The following ZMIZ1 variants were observed in gnomAD, a reference collection of about 807,000 sequenced individuals.
ZMIZ1 encodes zinc finger MIZ domain-containing protein 1.
In ZMIZ1, 17 loss-of-function variants were observed where a neutral mutation model predicts 113.9. That is an observed-to-expected ratio of 0.15 (90% confidence interval 0.10 to 0.22). The LOEUF is 0.22. Ranked by LOEUF, ZMIZ1 falls within the 10% of genes least tolerant of loss-of-function variation. The pLI is 1.00. For synonymous variants in ZMIZ1, 607 were observed against 603.1 expected (o/e 1.01, Z -0.09); for missense variants, 1,059 against 1,477.8 (o/e 0.72, Z 4.65).
At chr10:79,303,152 A>G (rs1025708752) in intron 18 of ZMIZ1, among the ~76,000 whole-genome samples, 27 of 148,600 alleles carry the variant, frequency 1.8e-4, no homozygotes, top group Non-Finnish European at 3.9e-4. Context: ...GAGCCACCAC[A>G]CCTGGCCAGC....
chr10:79,149,217 C>G (rs1346199900), intron 3 of ZMIZ1, among the ~76,000 whole-genome samples: 3 of 152,220 alleles, frequency 2.0e-5, no homozygotes, highest in Admixed American at 1.3e-4. Flanking sequence ...GCCCACACCC[C>G]CTCCCATCTG....
intron 4 of ZMIZ1, among the ~76,000 whole-genome samples, chr10:79,184,874 A>T (rs1847285428): frequency 6.6e-6 from 1 of 152,056 alleles, no homozygotes; most frequent in African/African-American, 2.4e-5. Context: ...CTGCCTCCTC[A>T]GGGTCCTCAG....
intron 4 of ZMIZ1, among the ~76,000 whole-genome samples, chr10:79,165,984 G>GTA (rs1781064780): frequency 6.8e-6 from 1 of 147,520 alleles, no homozygotes; most frequent in Admixed American, 6.6e-5. Context: ...GTGTGTGTGT[G>GTA]TGTGTGTGTG....
At chr10:79,115,268 C>T (rs528672184) in intron 1 of ZMIZ1, among the ~76,000 whole-genome samples, 1 of 152,286 alleles carries the variant, frequency 6.6e-6, no homozygotes, top group East Asian at 1.9e-4. Flanking sequence ...TACCCAGCTG[C>T]CCTTGTGGGC....
intron 1 of ZMIZ1, among the ~76,000 whole-genome samples, chr10:79,110,914 GGTATCCCA>G (rs1227972866): frequency 6.6e-6 from 1 of 152,234 alleles, no homozygotes; most frequent in African/African-American, 2.4e-5. Context: ...CTCATTAACA[GGTATCCCA>G]GTGTGATATC....
intron 1 of ZMIZ1, among the ~76,000 whole-genome samples, chr10:79,096,423 A>G (rs1400730430): frequency 6.6e-6 from 1 of 152,096 alleles, no homozygotes; most frequent in Admixed American, 6.6e-5. Context: ...GAGGCAGGAG[A>G]ATGGCGTGAA....
In ZMIZ1 at chr10:79,164,770, G is replaced by A. The variant is rs892685888; in HGVS notation, c.-50+2637G>A. 7.2e-5 allele frequency among the ~76,000 whole-genome samples: 11 copies of A among 152,288 alleles called. 1 individual carries two copies. Among genetic ancestry groups the A allele is most frequent in the South Asian group, 2.1e-4 (1 of 4,822 alleles). ...TAAACTGTGTGCAAGCTGGGGTTGCGGCTGTATGGGCCACTTGGACAGTGG... is the reference window on the plus strand; with the variant it reads ...TAAACTGTGTGCAAGCTGGGGTTGCAGCTGTATGGGCCACTTGGACAGTGG... On this transcript the variant is annotated intron_variant, in intron 4 of 24. Transcript: ENST00000334512.
chr10:79,202,046 CA>C (rs202106047), intron 5 of ZMIZ1, among the ~76,000 whole-genome samples: 1,372 of 124,990 alleles, frequency 0.011, 14 homozygotes, highest in Middle Eastern at 0.033. Context: ...CCCTTTGCTC[CA>C]GTCGTTCTCA....
intron 7 of ZMIZ1, among the ~76,000 whole-genome samples, chr10:79,268,390 G>C (rs1851732023): frequency 6.6e-6 from 1 of 152,236 alleles, no homozygotes; most frequent in South Asian, 2.1e-4. Context: ...TCTGAAGCTG[G>C]TTTCCTGCCC....
chr10:79,190,958 T>C (rs571419701), intron 4 of ZMIZ1, among the ~76,000 whole-genome samples: 2 of 152,290 alleles, frequency 1.3e-5, no homozygotes, highest in South Asian at 2.1e-4. Flanking sequence ...TTTTCAAAAA[T>C]AGACCACCTA....
Position 79,314,264 on chromosome 10 carries a change from G to A in ZMIZ1, c.*1515G>A, listed in dbSNP as rs1408295181. 1 of 456,928 alleles carries A rather than the reference G, an allele frequency of 2.2e-6. No homozygotes were observed. The highest frequency in any genetic ancestry group is 4.4e-6 in the Non-Finnish European group (1 of 226,956). The allele number at this position is 456,928 out of a possible 1,614,324, so 28.3% of individuals were successfully genotyped here. On this transcript the variant is annotated 3_prime_UTR_variant, in exon 25 of 25. Coordinates refer to ENST00000334512, the MANE Select transcript of ZMIZ1 (RefSeq NM_020338.4). ...AGCCACATGGCCTAGGGTGATGCCA[G>A]GTTGTCCCGTCACTGGGGTCCCATC... is the stretch of plus-strand genomic sequence containing the variant.
chr10:79,168,264 C>T (rs907984228), intron 4 of ZMIZ1, among the ~76,000 whole-genome samples: 4 of 152,212 alleles, frequency 2.6e-5, no homozygotes, highest in South Asian at 2.1e-4. Flanking sequence ...CTACCCAAAG[C>T]GGAGCTCCCC....
At chr10:79,127,493 G>A (rs1282170893) in intron 2 of ZMIZ1, among the ~76,000 whole-genome samples, 1 of 151,780 alleles carries the variant, frequency 6.6e-6, no homozygotes, top group African/African-American at 2.4e-5. Flanking sequence ...CCACCCCACA[G>A]CAGGGGGTGG....
In ZMIZ1 at chr10:79,069,882, C is replaced by G. The variant is rs1052055285; in HGVS notation, c.-337+612C>G. Among the ~76,000 whole-genome samples the G allele has an allele frequency of 2.6e-5, 4 of 151,378 alleles. No individual in the cohort carries two copies. Among genetic ancestry groups the G allele is most frequent in the Non-Finnish European group, 5.9e-5 (4 of 67,790 alleles). On this transcript the variant is annotated intron_variant, in intron 1 of 24. Transcript: ENST00000334512. The surrounding 1 kb of genome is among the most constrained non-coding windows in gnomAD (Gnocchi z 4.6). ...GGGGAAAGCTGGCGCGCGGTACAAA[C>G]GAGAAACGCGGAGGTGTGTGTGCAG...
At chr10:79,237,433 G>A (rs1416289126) in intron 7 of ZMIZ1, among the ~76,000 whole-genome samples, 4 of 152,208 alleles carry the variant, frequency 2.6e-5, no homozygotes, top group African/African-American at 4.8e-5. Flanking sequence ...ACACAATAGC[G>A]ATTCACTGTC....
At chr10:79,196,372 CT>C (rs1220964909) in intron 4 of ZMIZ1, among the ~76,000 whole-genome samples, 2 of 152,232 alleles carry the variant, frequency 1.3e-5, no homozygotes, top group Non-Finnish European at 2.9e-5. Flanking sequence ...CAAAGCCCCC[CT>C]GGGACCTGGA....
At chr10:79,208,280 T>A (rs544550221) in intron 5 of ZMIZ1, 56 bp from the exon 6 acceptor site, 1 of 1,524,092 alleles carries the variant, frequency 6.6e-7, no homozygotes, top group African/African-American at 1.4e-5. Context: ...CCCCACACGC[T>A]GCCTGTGCTA....
intron 7 of ZMIZ1, among the ~76,000 whole-genome samples, chr10:79,258,498 C>A (rs756922521): frequency 2.0e-5 from 3 of 152,270 alleles, no homozygotes; most frequent in Non-Finnish European, 2.9e-5. Flanking sequence ...CCCCTGCCTC[C>A]TGTTTCGGGC....
rs754141479 is a variant in ZMIZ1, at chr10:79,285,599, T to G, written c.426-4176T>G. The G allele has an allele frequency of 2.0e-5, 9 of 456,086 alleles. 1 individual carries two copies. The highest frequency in any genetic ancestry group is 1.4e-4 in the South Asian group (9 of 64,562). The allele number at this position is 456,086 out of a possible 1,614,324, so 28.3% of individuals were successfully genotyped here. ...CATCAGGCTTAACGAAATGGACATA[T>G]TCATTTTCAGCATCACTCCAAGGGT... On this transcript the variant is annotated intron_variant, in intron 8 of 24. Coordinates refer to ENST00000334512, the MANE Select transcript of ZMIZ1 (RefSeq NM_020338.4).
Sources: allele counts gnomAD v4.1 joint callset (sites outside exome capture counted in the v4.1 genomes callset), GRCh38; gene constraint gnomAD v4.1.1; non-coding constraint Gnocchi (gnomAD v3.1); transcripts MANE v1.5; gene names NCBI Gene and HGNC (gene_info 2026-07-23, HGNC 2026-07-21).